The following DMRT1 variants were observed in gnomAD, a reference collection of about 807,000 sequenced individuals.
DMRT1 encodes the protein doublesex- and mab-3-related transcription factor 1.
In DMRT1, 7 loss-of-function variants were observed where a neutral mutation model predicts 32.3. The ratio of observed to expected loss-of-function variants is 0.22; its 90% confidence interval spans 0.12 to 0.41. The LOEUF is 0.41. DMRT1 is among the 10% of genes least tolerant of loss of function. The probability of loss-of-function intolerance (pLI) is 1.00; values close to 1 mark genes in which losing one functional copy is unlikely to be tolerated. For synonymous variants in DMRT1, 278 were observed against 206.1 expected (o/e 1.35, Z -2.99); for missense variants, 625 against 500.5 (o/e 1.25, Z -2.37).
At chr9:913,329 C>T (rs1456409906) in intron 3 of DMRT1, among the ~76,000 whole-genome samples, 7 of 152,088 alleles carry the variant, frequency 4.6e-5, no homozygotes, top group African/African-American at 2.4e-5. Context: ...TATGTCGGCA[C>T]CTTGCTTCTA....
intron 2 of DMRT1, among the ~76,000 whole-genome samples, chr9:882,216 C>G (rs975069830): frequency 1.3e-5 from 2 of 152,150 alleles, no homozygotes; most frequent in African/African-American, 4.8e-5. Context: ...GCGTTACATG[C>G]CAGCCTTTTC....
In DMRT1 at chr9:894,791, GTTT is replaced by G. The variant is rs1231759673; in HGVS notation, c.822+605_822+607del. Reference sequence around the variant, plus strand: ...GGTCAGTCTTTCATTCTCCAAGTTTGTTTTTTTTTTTGTTTGTTTGTTTGTTTT... The same window carrying G: ...GGTCAGTCTTTCATTCTCCAAGTTTGTTTTTTTTGTTTGTTTGTTTGTTTT... On this transcript the variant is annotated intron_variant, in intron 3 of 4. Coordinates refer to ENST00000382276, the MANE Select transcript of DMRT1 (RefSeq NM_021951.3). 8.1e-5 allele frequency: 12 copies of G among 148,412 alleles called. 1 individual carries two copies. In the South Asian group the frequency reaches 8.3e-4, roughly 10 times the overall value. The allele number at this position is 148,412 out of a possible 1,614,324, so 9.2% of individuals were successfully genotyped here.
At chr9:846,311 G>T (rs1056809912) in intron 1 of DMRT1, among the ~76,000 whole-genome samples, 3 of 152,098 alleles carry the variant, frequency 2.0e-5, no homozygotes, top group African/African-American at 7.2e-5. Flanking sequence ...GGGATTACAG[G>T]TGCGAACCAC....
chr9:871,623 G>C (rs1442907393), intron 2 of DMRT1, among the ~76,000 whole-genome samples: 3 of 67,848 alleles, frequency 4.4e-5, no homozygotes, highest in Non-Finnish European at 8.1e-5. Context: ...TTACAGACGC[G>C]AGCCACCGCG....
At chr9:852,396 T>TA (rs1186834685) in intron 2 of DMRT1, among the ~76,000 whole-genome samples, 4 of 145,332 alleles carry the variant, frequency 2.8e-5, no homozygotes, top group Non-Finnish European at 6.0e-5. Flanking sequence ...GCATAAAATG[T>TA]ACTTTTTTTT....
At chr9:878,200 G>GCCCCCCCCCC (rs34336062) in intron 2 of DMRT1, among the ~76,000 whole-genome samples, 104 of 94,022 alleles carry the variant, frequency 1.1e-3, no homozygotes, top group African/African-American at 1.9e-3. Flanking sequence ...TGCAGCTGCT[G>GCCCCCCCCCC]CCCCCCCCCC....
At chr9:954,690 G>T (rs1336652746) in intron 4 of DMRT1, among the ~76,000 whole-genome samples, 1 of 152,044 alleles carries the variant, frequency 6.6e-6, no homozygotes, top group South Asian at 2.1e-4. Context: ...TCGCCAAGCT[G>T]GAGTGCAGTA....
intron 2 of DMRT1, among the ~76,000 whole-genome samples, chr9:873,955 G>T (rs934317217): frequency 6.6e-6 from 1 of 152,138 alleles, no homozygotes; most frequent in Non-Finnish European, 1.5e-5. Context: ...TATTTAACTT[G>T]GAAGTGGAAA....
chr9:844,849 T>TA (rs1163851162), intron 1 of DMRT1, among the ~76,000 whole-genome samples: 16 of 151,218 alleles, frequency 1.1e-4, no homozygotes, highest in Admixed American at 7.3e-4. Context: ...GCCTCCCGAG[T>TA]AGCTGGGACT....
chr9:905,273 G>T (rs1817728551), intron 3 of DMRT1, among the ~76,000 whole-genome samples: 1 of 152,318 alleles, frequency 6.6e-6, no homozygotes, highest in East Asian at 1.9e-4. Context: ...CCTGGAAGGG[G>T]TGTTCATACA....
chr9:910,552 A>T (rs1195129843), intron 3 of DMRT1, among the ~76,000 whole-genome samples: 1 of 151,728 alleles, frequency 6.6e-6, no homozygotes, highest in Admixed American at 6.6e-5. Flanking sequence ...GAACTCAAAC[A>T]TTTTTATGGT....
intron 4 of DMRT1, among the ~76,000 whole-genome samples, chr9:962,664 A>G (rs1037780678): frequency 3.9e-5 from 6 of 152,002 alleles, no homozygotes; most frequent in African/African-American, 1.4e-4. Flanking sequence ...GCCGTGAGCT[A>G]ATTTTGCTTG....
intron 4 of DMRT1, among the ~76,000 whole-genome samples, chr9:938,676 T>C (rs1181495638): frequency 1.3e-5 from 2 of 152,228 alleles, no homozygotes; most frequent in Non-Finnish European, 2.9e-5. Flanking sequence ...TATAATAAGT[T>C]TACATCCTCT....
At chr9:903,176 T>C (rs1817652649) in intron 3 of DMRT1, among the ~76,000 whole-genome samples, 1 of 152,170 alleles carries the variant, frequency 6.6e-6, no homozygotes. Context: ...CCAATTCTCT[T>C]GGGTCTTTAC....
chr9:862,413 A>G (rs1471659721), intron 2 of DMRT1, among the ~76,000 whole-genome samples: 2 of 150,360 alleles, frequency 1.3e-5, no homozygotes, highest in Non-Finnish European at 3.0e-5. Context: ...AGGCAGGAGA[A>G]TCAGGCAGGG....
chr9:854,688 A>G (rs547617076), intron 2 of DMRT1, among the ~76,000 whole-genome samples: 12 of 115,752 alleles, frequency 1.0e-4, no homozygotes, highest in African/African-American at 3.1e-4. Flanking sequence ...TATTAGATTA[A>G]GAAAAAGCTT....
intron 2 of DMRT1, among the ~76,000 whole-genome samples, chr9:874,848 C>T (rs1020855421): frequency 6.8e-6 from 1 of 147,478 alleles, no homozygotes; most frequent in Non-Finnish European, 1.5e-5. Context: ...CGCTCTGTCA[C>T]CCCAGCTGGA....
chr9:863,382 G>C (rs983818725), intron 2 of DMRT1, among the ~76,000 whole-genome samples: 4 of 151,460 alleles, frequency 2.6e-5, no homozygotes, highest in Non-Finnish European at 5.9e-5. Context: ...TGCAACTAGA[G>C]ATGCCATGAC....
At chr9:880,594 C>G (rs551093849) in intron 2 of DMRT1, among the ~76,000 whole-genome samples, 1 of 151,772 alleles carries the variant, frequency 6.6e-6, no homozygotes, top group Non-Finnish European at 1.5e-5. Context: ...GGCATGGTGG[C>G]GCATGCCTGT....
Sources: gnomAD v4.1 joint callset for allele counts (sites outside exome capture counted in the v4.1 genomes callset) on GRCh38, gnomAD v4.1.1 for gene constraint, MANE v1.5 for transcripts, NCBI Gene and HGNC (gene_info 2026-07-23, HGNC 2026-07-21) for gene names.